The following RNF103 variants were observed in gnomAD, a reference collection of about 807,000 sequenced individuals.
RNF103 encodes the protein E3 ubiquitin-protein ligase RNF103.
Under a neutral mutation model 66.2 loss-of-function variants are expected in RNF103, and 23 were observed. That is an observed-to-expected ratio of 0.35 (90% CI 0.25 to 0.49). The LOEUF is 0.49. RNF103 is among the 20% of genes least tolerant of loss of function. RNF103 has a pLI of 0.98. For missense variants in RNF103, 730 were observed against 814.7 expected, an observed-to-expected ratio of 0.90 and a Z score of 1.27; for synonymous variants, 297 against 289.9, an observed-to-expected ratio of 1.02 and a Z score of -0.25.
intron 3 of RNF103, among the ~76,000 whole-genome samples, chr2:86,606,921 T>C (rs573724192): frequency 6.6e-6 from 1 of 152,056 alleles, no homozygotes; most frequent in African/African-American, 2.4e-5. Context: ...TAGGACCACA[T>C]ATGCACGCCA....
intron 2 of RNF103, 26 bp from the exon 3 acceptor site, chr2:86,612,300 A>C (rs1357078042): frequency 2.2e-6 from 3 of 1,390,318 alleles, no homozygotes; most frequent in Non-Finnish European, 3.0e-6. Flanking sequence ...GAGAAAAAGA[A>C]ACTTGAATTA....
At chr2:86,611,836 G>A (rs1355183585) in intron 3 of RNF103, among the ~76,000 whole-genome samples, 2 of 152,284 alleles carry the variant, frequency 1.3e-5, no homozygotes, top group East Asian at 1.9e-4. Flanking sequence ...TGAATGTGCT[G>A]AGATCTCTTT....
At chr2:86,605,764 A>G (rs1573351403) in intron 3 of RNF103, among the ~76,000 whole-genome samples, 1 of 130,506 alleles carries the variant, frequency 7.7e-6, no homozygotes, top group Non-Finnish European at 1.7e-5. Flanking sequence ...AAATCCTATT[A>G]ATGAGACAAA....
intron 2 of RNF103, chr2:86,616,634 C>T (rs1244858337): frequency 3.0e-6 from 3 of 985,170 alleles, no homozygotes; most frequent in East Asian, 1.1e-4. Flanking sequence ...CTCTTGTCAG[C>T]CAAACAGGAA....
chr2:86,620,013 C>CACTAAAT (rs1679164814), intron 2 of RNF103, among the ~76,000 whole-genome samples: 2 of 152,154 alleles, frequency 1.3e-5, no homozygotes, highest in African/African-American at 4.8e-5. Context: ...CAGTGCAAAT[C>CACTAAAT]ACTAAATAAA....
rs1180420607 is a variant in RNF103 at position 86,620,410 on chromosome 2, C to A, written c.286G>T (p.Val96Phe). ...ALKEEEASESVSSTNFSGEMH... is the reference protein window; with the variant it reads ...ALKEEEASESFSSTNFSGEMH... The stretch of plus-strand genomic sequence containing the variant: ...TCACCACTGAAATTGGTACTAGAAA[C>A]CGATTCGGATGCTTCTTCTTCCTTG... The change falls in exon 2 of 4, where the codon GTT becomes TTT. Residue 96 changes from valine (V) to phenylalanine (F), a missense_variant. Val to Phe is a conservative substitution (Grantham distance 50). Around this residue, in one of 3 missense-constraint regions of RNF103, gnomAD observed 327 missense variants for 369.8 expected, o/e 0.88. Transcript: ENST00000237455. 6.2e-7 allele frequency: 1 copy of A among 1,605,660 alleles called. No individual in the cohort carries two copies. The highest frequency in any genetic ancestry group is 1.1e-5 in the South Asian group (1 of 90,278).
At position 86,604,753 on chromosome 2, in the gene RNF103, A is replaced by G; in HGVS notation, c.1148T>C (p.Leu383Ser). The G allele has an allele frequency of 6.2e-7, 1 of 1,614,008 alleles. No homozygotes were observed. The highest frequency in any genetic ancestry group is 8.5e-7 in the Non-Finnish European group (1 of 1,179,954). Reference protein sequence around the residue: ...PVLGFLQLPYLDSFYEYSLKL... With the variant: ...PVLGFLQLPYSDSFYEYSLKL... ...TAAGCTATATTCATAAAAGCTATCTAAGTAAGGTAGCTGTAAAAAGCCCAA... is the reference window on the plus strand; with the variant it reads ...TAAGCTATATTCATAAAAGCTATCTGAGTAAGGTAGCTGTAAAAAGCCCAA... Residue 383 changes from leucine to serine, a missense_variant, in exon 4 of 4, where the codon TTA becomes TCA. By Grantham distance (145) the Leu-to-Ser change is moderately radical. Coordinates refer to ENST00000237455, the MANE Select transcript of RNF103 (RefSeq NM_005667.4).
rs1036484914 is a variant in RNF103, at chr2:86,623,370, C to T, written c.-484G>A. The T allele has an allele frequency of 1.1e-5, 11 of 980,536 alleles. No individual in the cohort carries two copies. The highest frequency in any genetic ancestry group is 1.8e-5 in the African/African-American group (1 of 56,916). 60.7% of individuals were successfully genotyped at this position (980,536 alleles called of 1,614,324 possible). ...GGGCGGCAGGCCGGGGCCCGAGGGG[C>T]CGTGGGGGCCGGACTCCCGCGGCCG... On this transcript the variant is annotated 5_prime_UTR_variant, in exon 1 of 4. Coordinates refer to ENST00000237455, the MANE Select transcript of RNF103 (RefSeq NM_005667.4).
Position 86,622,985 on chromosome 2 carries a change from C to G in RNF103, c.-99G>C. ...GCTCGGTGGCAGCTTGGGCGAGGGC[C>G]CCGTGTCCACGCGCGGGCCACCCGG... is the stretch of plus-strand genomic sequence containing the variant. On this transcript the variant is annotated 5_prime_UTR_variant, in exon 1 of 4. Transcript: ENST00000237455. 2.1e-6 allele frequency: 3 copies of G among 1,423,714 alleles called. No homozygotes were observed. Among genetic ancestry groups the G allele is most frequent in the South Asian group, 3.0e-5 (2 of 66,378 alleles). The allele number at this position is 1,423,714 out of a possible 1,614,324, so 88.2% of individuals were successfully genotyped here. A position where few individuals can be genotyped will look rare whatever the true frequency, so the allele number is the denominator to read the frequency against.
At chr2:86,605,672 C>T (rs999151220) in intron 3 of RNF103, among the ~76,000 whole-genome samples, 5 of 152,078 alleles carry the variant, frequency 3.3e-5, no homozygotes, top group Non-Finnish European at 1.5e-5. Context: ...GCAAATACTT[C>T]AGCATCTCTC....
At chr2:86,606,368 T>C (rs1051806394) in intron 3 of RNF103, among the ~76,000 whole-genome samples, 4 of 151,984 alleles carry the variant, frequency 2.6e-5, no homozygotes, top group Admixed American at 1.3e-4. Flanking sequence ...AAAGAAATAT[T>C]AAAAACTGAA....
At chr2:86,610,824 T>C (rs1193941752) in intron 3 of RNF103, among the ~76,000 whole-genome samples, 1 of 152,116 alleles carries the variant, frequency 6.6e-6, no homozygotes, top group African/African-American at 2.4e-5. Flanking sequence ...TTTGACTCTA[T>C]TTGGAAATGA....
intron 1 of RNF103, 34 bp downstream of exon 1, chr2:86,622,627 G>T (rs1279044426): frequency 6.2e-7 from 1 of 1,608,406 alleles, no homozygotes; most frequent in South Asian, 1.1e-5. Flanking sequence ...CCTCTCCCAG[G>T]TGGAGGGGAC....
intron 1 of RNF103, among the ~76,000 whole-genome samples, chr2:86,622,327 A>T (rs1244145183): frequency 6.6e-6 from 1 of 152,224 alleles, no homozygotes; most frequent in Non-Finnish European, 1.5e-5. Flanking sequence ...ATGAACTTCA[A>T]CTGACAAATA....
chr2:86,608,493 A>C (rs2104214825), intron 3 of RNF103, among the ~76,000 whole-genome samples: 1 of 142,968 alleles, frequency 7.0e-6, no homozygotes, highest in East Asian at 1.9e-4. Flanking sequence ...TCTCAAAAAA[A>C]AAAAAAAAAA....
intron 2 of RNF103, chr2:86,613,023 G>C (rs898350330): frequency 6.6e-6 from 1 of 152,240 alleles, no homozygotes; most frequent in African/African-American, 2.4e-5. Flanking sequence ...ATGTTGGGAG[G>C]CCGAGGCAGA....
Position 86,623,002 on chromosome 2 carries a change from G to A in RNF103, c.-116C>T, listed in dbSNP as rs765041033. The A allele has an allele frequency of 4.9e-5, 67 of 1,379,506 alleles. No individual in the cohort carries two copies. The highest frequency in any genetic ancestry group is 6.0e-5 in the Non-Finnish European group (64 of 1,072,172). 85.5% of individuals were successfully genotyped at this position (1,379,506 alleles called of 1,614,324 possible). A position where few individuals can be genotyped will look rare whatever the true frequency, so the allele number is the denominator to read the frequency against. Reference sequence around the variant, plus strand: ...GCGAGGGCCCCGTGTCCACGCGCGGGCCACCCGGCGCCGTCACTGGCCGGC... The same window carrying A: ...GCGAGGGCCCCGTGTCCACGCGCGGACCACCCGGCGCCGTCACTGGCCGGC... On this transcript the variant is annotated 5_prime_UTR_variant, in exon 1 of 4. Coordinates refer to ENST00000237455, the MANE Select transcript of RNF103 (RefSeq NM_005667.4).
At chr2:86,614,675 T>C in intron 2 of RNF103, 1 of 818,780 alleles carries the variant, frequency 1.2e-6, no homozygotes, top group Non-Finnish European at 1.5e-6. Context: ...CTATTGCCTC[T>C]TGTTCTTTAT....
intron 3 of RNF103, among the ~76,000 whole-genome samples, chr2:86,607,795 T>C (rs1052458290): frequency 2.6e-5 from 4 of 152,252 alleles, no homozygotes; most frequent in African/African-American, 9.6e-5. Flanking sequence ...CCATCTATTT[T>C]ATCTTCCTAC....
Sources: gnomAD v4.1 joint callset for allele counts (sites outside exome capture counted in the v4.1 genomes callset) on GRCh38, gnomAD v4.1.1 for gene constraint, gnomAD v4.1.1 regional missense constraint, MANE v1.5 for transcripts, NCBI Gene and HGNC (gene_info 2026-07-23, HGNC 2026-07-21) for gene names.